The following RPA1 variants were observed in gnomAD, a reference collection of about 807,000 sequenced individuals.
RPA1 encodes replication protein A 70 kDa DNA-binding subunit.
In RPA1, 49 loss-of-function variants were observed where a neutral mutation model predicts 83.0. The observed-to-expected ratio is 0.59, with a 90% CI of 0.47 to 0.75. The LOEUF (loss-of-function observed/expected upper bound fraction) is 0.75. RPA1 is among the 30% of genes least tolerant of loss of function. The pLI is 0.00. For missense variants in RPA1, 693 were observed against 776.1 expected, an observed-to-expected ratio of 0.89 and a Z score of 1.27; for synonymous variants, 279 against 281.8, an observed-to-expected ratio of 0.99 and a Z score of 0.10.
At chr17:1,860,918 A>G (rs1164345472) in intron 5 of RPA1, among the ~76,000 whole-genome samples, 1 of 152,188 alleles carries the variant, frequency 6.6e-6, no homozygotes, top group African/African-American at 2.4e-5. Context: ...GATTTATTAG[A>G]GAATCAGAGA....
chr17:1,835,449 G>T (rs1305382760), intron 1 of RPA1, among the ~76,000 whole-genome samples: 2 of 152,042 alleles, frequency 1.3e-5, no homozygotes, highest in Non-Finnish European at 2.9e-5. Flanking sequence ...GAGCCACTGT[G>T]CCTGGCCTTG....
intron 5 of RPA1, among the ~76,000 whole-genome samples, chr17:1,870,761 C>T (rs1437963069): frequency 1.3e-5 from 2 of 152,210 alleles, no homozygotes; most frequent in Admixed American, 6.5e-5. Flanking sequence ...CAGATGACCA[C>T]ATCCTTTTCA....
intron 1 of RPA1, among the ~76,000 whole-genome samples, chr17:1,838,862 T>A (rs1040738758): frequency 3.3e-5 from 5 of 152,160 alleles, no homozygotes; most frequent in African/African-American, 1.2e-4. Flanking sequence ...TTTAATTTTT[T>A]ATTTTTGAGA....
At position 1,895,207 on chromosome 17, in the gene RPA1, G is replaced by A. The variant is rs144210963; in HGVS notation, c.1746+112G>A. ...GTTACTGTACTCACTGCCAGACCCC[G>A]GTGCTGACTTTGCCCAACACAGGTG... On this transcript the variant is annotated intron_variant, in intron 16 of 16. Coordinates refer to ENST00000254719, the MANE Select transcript of RPA1 (RefSeq NM_002945.5). The A allele has an allele frequency of 8.1e-4, 624 of 765,806 alleles. 4 individuals carry two copies. The African/African-American group carries it at 0.01, about 12-fold the overall frequency. 47.4% of individuals were successfully genotyped at this position (765,806 alleles called of 1,614,324 possible). A position where few individuals can be genotyped will look rare whatever the true frequency, so the allele number is the denominator to read the frequency against.
intron 1 of RPA1, among the ~76,000 whole-genome samples, chr17:1,835,170 A>C (rs1010324680): frequency 6.6e-6 from 1 of 151,966 alleles, no homozygotes; most frequent in Non-Finnish European, 1.5e-5. Flanking sequence ...TTTAAATGAC[A>C]GAGTCTTGTT....
chr17:1,890,765 T>C (rs17292371), intron 14 of RPA1, among the ~76,000 whole-genome samples: 1,743 of 152,366 alleles, frequency 0.011, 43 homozygotes, highest in African/African-American at 0.04. Flanking sequence ...TATAAACTTT[T>C]CATTGAACTA....
intron 5 of RPA1, 106 bp downstream of exon 5, chr17:1,853,295 T>TA: frequency 1.2e-6 from 1 of 858,050 alleles, no homozygotes; most frequent in Non-Finnish European, 1.9e-6. Context: ...AATAAAATGA[T>TA]AGTGATTCTG....
intron 5 of RPA1, among the ~76,000 whole-genome samples, chr17:1,858,909 T>TA (rs141099578): frequency 1.5e-5 from 1 of 65,220 alleles, no homozygotes; most frequent in African/African-American, 4.9e-5. Context: ...ATTTTATTTT[T>TA]TTTTTTTTTT....
intron 13 of RPA1, among the ~76,000 whole-genome samples, chr17:1,885,387 G>T (rs182731846): frequency 5.3e-5 from 8 of 152,254 alleles, no homozygotes; most frequent in Admixed American, 2.6e-4. Flanking sequence ...TGAAGCCTCA[G>T]TGTCTACCTT....
intron 15 of RPA1, among the ~76,000 whole-genome samples, chr17:1,893,704 G>A (rs1323405865): frequency 2.7e-5 from 4 of 148,792 alleles, no homozygotes; most frequent in African/African-American, 1.0e-4. Context: ...AACTTAAATT[G>A]CATTTGAGGA....
intron 2 of RPA1, 126 bp downstream of exon 2, chr17:1,842,979 G>A (rs1368102183): frequency 2.2e-6 from 2 of 899,216 alleles, no homozygotes; most frequent in African/African-American, 3.3e-5. Context: ...ACAAAAAATA[G>A]GCCAGTCTAC....
At chr17:1,887,440 T>C (rs943499545) in intron 13 of RPA1, among the ~76,000 whole-genome samples, 1 of 151,822 alleles carries the variant, frequency 6.6e-6, no homozygotes, top group African/African-American at 2.4e-5. Context: ...ATGCCTGTAG[T>C]CCCAGCTTCT....
chr17:1,858,021 G>T, intron 5 of RPA1: 1 of 1,607,986 alleles, frequency 6.2e-7, no homozygotes. Flanking sequence ...GGAAGATGAT[G>T]CTGGGAGCCT....
chr17:1,853,321 G>T (rs963306027), intron 5 of RPA1, 132 bp downstream of exon 5: 1 of 683,822 alleles, frequency 1.5e-6, no homozygotes. Flanking sequence ...TAGGAACCAG[G>T]CTATTCTGTC....
At chr17:1,854,882 A>T (rs1284517079) in intron 5 of RPA1, among the ~76,000 whole-genome samples, 1 of 152,220 alleles carries the variant, frequency 6.6e-6, no homozygotes, top group East Asian at 1.9e-4. Flanking sequence ...GAAGGAAAAC[A>T]AATGGCTAAT....
rs186228100 is a variant in RPA1, at chr17:1,868,310, C to A, written c.362-4124C>A. 6.4e-4 allele frequency among the ~76,000 whole-genome samples: 98 copies of A among 152,292 alleles called. 1 individual carries two copies. The highest frequency in any genetic ancestry group is 7.3e-4 in the Non-Finnish European group (50 of 68,030). On this transcript the variant is annotated intron_variant, in intron 5 of 16. Transcript: ENST00000254719. Reference sequence around the variant, plus strand: ...TTCTACCTCACGGGGCATTTCACCGCAGTGCTTTCTCCTCTGTTGGGAAAG... The same window carrying A: ...TTCTACCTCACGGGGCATTTCACCGAAGTGCTTTCTCCTCTGTTGGGAAAG...
intron 4 of RPA1, among the ~76,000 whole-genome samples, chr17:1,851,610 G>A (rs1912499745): frequency 1.3e-5 from 2 of 152,258 alleles, no homozygotes; most frequent in African/African-American, 4.8e-5. Flanking sequence ...GGATATTGCA[G>A]GATGAAATTA....
chr17:1,896,931 T>A, intron 16 of RPA1, 140 bp from the exon 17 acceptor site: 1 of 711,100 alleles, frequency 1.4e-6, no homozygotes, highest in Non-Finnish European at 2.5e-6. Flanking sequence ...GAGGAGGCTG[T>A]CACTCACTGG....
At chr17:1,831,781 A>G (rs1316209993) in intron 1 of RPA1, among the ~76,000 whole-genome samples, 7 of 149,778 alleles carry the variant, frequency 4.7e-5, no homozygotes, top group Admixed American at 2.0e-4. Context: ...TGTATTTTTT[A>G]GTAGAGACGG....
Sources: allele counts gnomAD v4.1 joint callset (sites outside exome capture counted in the v4.1 genomes callset), GRCh38; gene constraint gnomAD v4.1.1; transcripts MANE v1.5; gene names NCBI Gene and HGNC (gene_info 2026-07-23, HGNC 2026-07-21).